Variants in LDLRAD4 observed in about 807,000 individuals in gnomAD.
LDLRAD4 encodes the protein low-density lipoprotein receptor class A domain-containing protein 4.
Under a neutral mutation model 17.0 loss-of-function variants are expected in LDLRAD4, and 5 were observed. The observed-to-expected ratio is 0.29, with a 90% CI of 0.15 to 0.62. The LOEUF is 0.62. LDLRAD4 is among the 20% of genes least tolerant of loss of function. LDLRAD4 has a pLI of 0.84. For synonymous variants in LDLRAD4, 168 were observed against 171.8 expected (o/e 0.98, Z 0.17); for missense variants, 340 against 424.7 (o/e 0.80, Z 1.75).
At chr18:13,652,623 A>T (rs1222728354) in exon 6 of LDLRAD4, 1 of 152,660 alleles carries the variant, frequency 6.6e-6, no homozygotes, top group African/African-American at 2.4e-5. Context: ...TAAGGTCTGT[A>T]ATTGCAATAC....
intron 1 of LDLRAD4, among the ~76,000 whole-genome samples, chr18:13,222,337 A>G (rs2041505342): frequency 6.7e-6 from 1 of 149,180 alleles, no homozygotes; most frequent in Non-Finnish European, 1.5e-5. Flanking sequence ...TTTTTGGAAG[A>G]GGAAGAGAGA....
chr18:13,311,024 G>C (rs2047204161), intron 1 of LDLRAD4, among the ~76,000 whole-genome samples: 1 of 152,156 alleles, frequency 6.6e-6, no homozygotes, highest in Non-Finnish European at 1.5e-5. Context: ...AATGCAGAAA[G>C]TGATACCTCC....
chr18:13,427,051 T>C (rs2089991433), intron 2 of LDLRAD4, among the ~76,000 whole-genome samples: 1 of 152,042 alleles, frequency 6.6e-6, no homozygotes, highest in Non-Finnish European at 1.5e-5. Flanking sequence ...CCAGGCGTGG[T>C]GGTGCACACC....
rs2086894615 is a variant in LDLRAD4, at chr18:13,398,601, A to G, written c.40+10839A>G. On this transcript the variant is annotated intron_variant, in intron 2 of 5. Transcript: ENST00000359446. This position sits in a 1 kb window ranked among gnomAD's most constrained non-coding sequence, Gnocchi z 4.8. ...TAACGAGGGTCTCAGTTTTGGCTTA[A>G]GGACAGGTTTCGAAGGAGATGGGCG... Among the ~76,000 whole-genome samples the G allele has an allele frequency of 6.6e-6, 1 of 152,096 alleles. No homozygotes were observed. The highest frequency in any genetic ancestry group is 1.5e-5 in the Non-Finnish European group (1 of 67,992).
At chr18:13,468,938 C>T (rs1243156718) in intron 3 of LDLRAD4, among the ~76,000 whole-genome samples, 1 of 151,812 alleles carries the variant, frequency 6.6e-6, no homozygotes, top group East Asian at 1.9e-4. Context: ...CAACATGGCA[C>T]GTGTATACAT....
chr18:13,529,227 T>C (rs369569148), intron 3 of LDLRAD4, among the ~76,000 whole-genome samples: 1 of 152,352 alleles, frequency 6.6e-6, no homozygotes, highest in East Asian at 1.9e-4. Context: ...TGCCCGGCAC[T>C]GGCCAAAGGC....
intron 3 of LDLRAD4, among the ~76,000 whole-genome samples, chr18:13,535,950 A>G (rs1420931847): frequency 1.3e-5 from 2 of 152,208 alleles, no homozygotes; most frequent in African/African-American, 4.8e-5. Flanking sequence ...TCATTAAACA[A>G]TAAAGGACCG....
intron 3 of LDLRAD4, among the ~76,000 whole-genome samples, chr18:13,552,549 C>T (rs1354453776): frequency 6.6e-6 from 1 of 152,202 alleles, no homozygotes; most frequent in Non-Finnish European, 1.5e-5. Flanking sequence ...GGCCTCCTCT[C>T]TGGTTGCTGG....
chr18:13,638,685 A>C (rs1401982940), intron 4 of LDLRAD4, among the ~76,000 whole-genome samples: 2 of 152,250 alleles, frequency 1.3e-5, no homozygotes. Context: ...ATTTGAGAGT[A>C]ACGTAACTTA....
At chr18:13,389,267 G>A (rs1027731996) in intron 2 of LDLRAD4, among the ~76,000 whole-genome samples, 2 of 151,278 alleles carry the variant, frequency 1.3e-5, no homozygotes, top group South Asian at 4.2e-4. Context: ...GGCAGGGATG[G>A]GCAGCTCCCT....
intron 3 of LDLRAD4, chr18:13,487,044 C>G (rs1303562509): frequency 6.6e-6 from 1 of 152,188 alleles, no homozygotes; most frequent in Non-Finnish European, 1.5e-5. Context: ...TTTAATGAAC[C>G]TGAGCACCTT....
chr18:13,498,928 G>A (rs936876111), intron 3 of LDLRAD4, among the ~76,000 whole-genome samples: 2 of 148,874 alleles, frequency 1.3e-5, no homozygotes, highest in Non-Finnish European at 3.0e-5. Context: ...GTCCCACCGT[G>A]GACACCGGAG....
At chr18:13,569,104 G>A (rs2094648519) in intron 3 of LDLRAD4, among the ~76,000 whole-genome samples, 1 of 152,230 alleles carries the variant, frequency 6.6e-6, no homozygotes, top group South Asian at 2.1e-4. Context: ...AAGAGAAGTT[G>A]TGACACTAAT....
At chr18:13,565,861 G>A (rs907976232) in intron 3 of LDLRAD4, among the ~76,000 whole-genome samples, 2 of 152,214 alleles carry the variant, frequency 1.3e-5, no homozygotes, top group African/African-American at 2.4e-5. Context: ...AGGAGTTTGT[G>A]TTGATATTCA....
intron 3 of LDLRAD4, among the ~76,000 whole-genome samples, chr18:13,617,331 A>T (rs978604603): frequency 8.5e-5 from 13 of 152,174 alleles, no homozygotes; most frequent in Admixed American, 7.2e-4. Context: ...AGCTCAGAAG[A>T]TGCACACCTT....
chr18:13,388,380 A>G (rs2085989039), intron 2 of LDLRAD4, among the ~76,000 whole-genome samples: 1 of 152,192 alleles, frequency 6.6e-6, no homozygotes, highest in South Asian at 2.1e-4. Context: ...TGTCTGATTC[A>G]TGTAACATTC....
intron 2 of LDLRAD4, among the ~76,000 whole-genome samples, chr18:13,422,279 C>T (rs2089540711): frequency 6.6e-6 from 1 of 152,124 alleles, no homozygotes; most frequent in Admixed American, 6.6e-5. Context: ...GAAGACTAGA[C>T]AGAGAGAGAT....
chr18:13,565,413 G>A (rs1447068554), intron 3 of LDLRAD4, among the ~76,000 whole-genome samples: 2 of 152,240 alleles, frequency 1.3e-5, no homozygotes, highest in African/African-American at 2.4e-5. Context: ...GCTGGCCTGC[G>A]AGCAGCCCGG....
At chr18:13,361,545 G>A (rs7243870) in intron 1 of LDLRAD4, among the ~76,000 whole-genome samples, 1,584 of 152,258 alleles carry the variant, frequency 0.01, 27 homozygotes, top group African/African-American at 0.035. Context: ...CCAGATTTCT[G>A]TTGTCCCATC....
Sources: allele counts gnomAD v4.1 joint callset (sites outside exome capture counted in the v4.1 genomes callset), GRCh38; gene constraint gnomAD v4.1.1; non-coding constraint Gnocchi (gnomAD v3.1); transcripts MANE v1.5; gene names NCBI Gene and HGNC (gene_info 2026-07-23, HGNC 2026-07-21).